The following TTLL8 variants were observed in gnomAD, a reference collection of about 807,000 sequenced individuals.
TTLL8 encodes tubulin tyrosine ligase like 8.
Under a neutral mutation model 77.8 loss-of-function variants are expected in TTLL8, and 65 were observed. The ratio of observed to expected loss-of-function variants is 0.84; its 90% CI spans 0.68 to 1.03. The LOEUF is 1.03. Ranked by LOEUF, TTLL8 falls within the 50% of genes least tolerant of loss-of-function variation. The pLI is 0.00. For synonymous variants in TTLL8, 402 were observed against 422.8 expected (o/e 0.95, Z 0.60); for missense variants, 910 against 1,004.5 (o/e 0.91, Z 1.27).
At chr22:50,020,548 TC>T (rs1407086134) in intron 12 of TTLL8, among the ~76,000 whole-genome samples, 1 of 143,734 alleles carries the variant, frequency 7.0e-6, no homozygotes, top group Non-Finnish European at 1.5e-5. Context: ...TACTCCTCCA[TC>T]TGACATGCAC....
intron 12 of TTLL8, among the ~76,000 whole-genome samples, chr22:50,026,167 T>G (rs1047494923): frequency 1.3e-5 from 2 of 152,120 alleles, no homozygotes; most frequent in Non-Finnish European, 2.9e-5. Context: ...CTGGCACATG[T>G]GTGCAATGCA....
At chr22:50,033,395 C>G (rs1213415661) in exon 10 of TTLL8, 2 of 1,365,154 alleles carry the variant, frequency 1.5e-6, no homozygotes, top group African/African-American at 3.0e-5. Flanking sequence ...AGAGGGTGGT[C>G]TGCAGCTGCC....
At position 50,041,164 on chromosome 22, in the gene TTLL8, G is replaced by C. The variant is rs759348918; in HGVS notation, c.921+23C>G. 10 of 416,658 alleles carry C rather than the reference G, an allele frequency of 2.4e-5. No homozygotes were observed. Among genetic ancestry groups the C allele is most frequent in the Non-Finnish European group, 4.7e-6 (1 of 210,978 alleles). The allele number at this position is 416,658 out of a possible 1,614,324, so 25.8% of individuals were successfully genotyped here. On this transcript the variant is annotated intron_variant, in intron 8 of 13. Transcript: ENST00000266182. This position sits in a 1 kb window ranked among gnomAD's most constrained non-coding sequence, Gnocchi z 4.3. The stretch of plus-strand genomic sequence containing the variant: ...CACCAAGAGTGAGGCAGGTGCCCCA[G>C]TGGAGAGACAGACAAACCCCACCTG...
In TTLL8 at chr22:50,034,467, G is replaced by A. The variant is rs752424651; in HGVS notation, c.922-5C>T. On this transcript the variant is annotated splice_region_variant and splice_polypyrimidine_tract_variant and intron_variant, in intron 8 of 13. Transcript: ENST00000266182. This position sits in a 1 kb window ranked among gnomAD's most constrained non-coding sequence, Gnocchi z 4.1. ...TCTATTCAGCAGAGCCTGGCACTGC[G>A]AAAAGTAATTTCTTGAATTGGAGAT... is the stretch of plus-strand genomic sequence containing the variant. 33 of 1,366,298 alleles carry A rather than the reference G, an allele frequency of 2.4e-5. No individual in the cohort carries two copies. The highest frequency in any genetic ancestry group is 1.9e-4 in the African/African-American group (13 of 67,862). 84.6% of individuals were successfully genotyped at this position (1,366,298 alleles called of 1,614,324 possible).
At chr22:50,057,414 AGGTCTGGG>A (rs2146710473), upstream of TTLL8, among the ~76,000 whole-genome samples, 1 of 15,150 alleles carries the variant, frequency 6.6e-5, no homozygotes, top group African/African-American at 3.0e-4. Context: ...GTTGGGCGGG[AGGTCTGGG>A]TTGGGGGTCA....
intron 6 of TTLL8, among the ~76,000 whole-genome samples, chr22:50,043,360 TCGG>T (rs2061385426): frequency 2.2e-5 from 2 of 91,854 alleles, no homozygotes; most frequent in East Asian, 4.3e-4. Flanking sequence ...GAGACACCCT[TCGG>T]TAGATGGATA....
chr22:50,038,747 G>A (rs188756454), intron 8 of TTLL8, among the ~76,000 whole-genome samples: 105 of 152,198 alleles, frequency 6.9e-4, no homozygotes, highest in African/African-American at 2.5e-3. Flanking sequence ...AGGAGTTTGA[G>A]GTTGCAGTGA....
Position 50,034,498 on chromosome 22 carries a change from C to T in TTLL8, c.922-36G>A, listed in dbSNP as rs1413921694. On this transcript the variant is annotated intron_variant, in intron 8 of 13. Coordinates refer to ENST00000266182, the Ensembl canonical transcript of TTLL8. This position sits in a 1 kb window ranked among gnomAD's most constrained non-coding sequence, Gnocchi z 4.1. Reference sequence around the variant, plus strand: ...TAATTTCTTGAATTGGAGATGAAAGCATCGCCACTACAAAGCAAGATCCAG... The same window carrying T: ...TAATTTCTTGAATTGGAGATGAAAGTATCGCCACTACAAAGCAAGATCCAG... The T allele has an allele frequency of 1.5e-6, 2 of 1,355,432 alleles. No homozygotes were observed. Among genetic ancestry groups the T allele is most frequent in the Non-Finnish European group, 2.0e-6 (2 of 1,017,202 alleles). The allele number at this position is 1,355,432 out of a possible 1,614,324, so 84.0% of individuals were successfully genotyped here.
intron 8 of TTLL8, among the ~76,000 whole-genome samples, chr22:50,036,096 C>T (rs759113352): frequency 1.3e-5 from 2 of 152,200 alleles, no homozygotes; most frequent in Non-Finnish European, 1.5e-5. Context: ...ATGCTGACGG[C>T]GAGCAGGGGC....
chr22:50,018,950 T>C (rs995987816), intron 12 of TTLL8, among the ~76,000 whole-genome samples, 159 bp from the exon 14 acceptor site: 1 of 152,186 alleles, frequency 6.6e-6, no homozygotes, highest in Non-Finnish European at 1.5e-5. Context: ...GAGGAATGTA[T>C]GTAGTAAATC....
At chr22:50,029,822 A>AC (rs1372987752) in intron 12 of TTLL8, among the ~76,000 whole-genome samples, 2 of 151,504 alleles carry the variant, frequency 1.3e-5, no homozygotes, top group East Asian at 3.9e-4. Context: ...CGTCCTGAAG[A>AC]CCCCCACGCG....
chr22:50,037,612 G>C (rs1411065813), intron 8 of TTLL8, among the ~76,000 whole-genome samples: 1 of 152,100 alleles, frequency 6.6e-6, no homozygotes, highest in Non-Finnish European at 1.5e-5. Context: ...GCTGACCACT[G>C]TTTAAGCATC....
At chr22:50,024,078 C>A (rs191198574) in intron 12 of TTLL8, among the ~76,000 whole-genome samples, 1 of 152,276 alleles carries the variant, frequency 6.6e-6, no homozygotes, top group Non-Finnish European at 1.5e-5. Flanking sequence ...CATAGAGTAG[C>A]CAACGCAATT....
chr22:50,030,728 C>A, exon 12 of TTLL8: 1 of 1,317,690 alleles, frequency 7.6e-7, no homozygotes, highest in Non-Finnish European at 1.0e-6. Context: ...CCAAGTCCCG[C>A]TGGAGAGCTG....
exon 11 of TTLL8, chr22:50,031,882 C>G (rs1399482748): frequency 7.3e-7 from 1 of 1,367,318 alleles, no homozygotes; most frequent in Non-Finnish European, 9.8e-7. Flanking sequence ...GAGCTCAAAG[C>G]TGTTCTTGCG....
chr22:50,049,140 G>T, intron 3 of TTLL8, 109 bp downstream of exon 5: 1 of 1,324,142 alleles, frequency 7.6e-7, no homozygotes, highest in Non-Finnish European at 1.0e-6. Context: ...CTTTGCCCTC[G>T]CCGGGCTGCC....
Position 50,044,200 on chromosome 22 carries a change from C to T in TTLL8, c.643+1055G>A, listed in dbSNP as rs746218074. Among the ~76,000 whole-genome samples, 3 of 152,044 alleles carry T rather than the reference C, an allele frequency of 2.0e-5. No homozygotes were observed. The highest frequency in any genetic ancestry group is 4.4e-5 in the Non-Finnish European group (3 of 68,008). Reference sequence around the variant, plus strand: ...CATTAGCCGGGCGTGGTGGTGGGCACCCAACTACTCGGGAGGCTGAGACAG... The same window carrying T: ...CATTAGCCGGGCGTGGTGGTGGGCATCCAACTACTCGGGAGGCTGAGACAG... On this transcript the variant is annotated intron_variant, in intron 6 of 13. Coordinates refer to ENST00000266182, the Ensembl canonical transcript of TTLL8. This position sits in a 1 kb window ranked among gnomAD's most constrained non-coding sequence, Gnocchi z 4.2.
At chr22:50,033,275 G>C (rs749360170) in exon 10 of TTLL8, 1 of 1,362,058 alleles carries the variant, frequency 7.3e-7, no homozygotes, top group African/African-American at 1.5e-5. Flanking sequence ...CAGATGGTCA[G>C]GGGGTTCCAG....
chr22:50,028,700 C>T (rs1235291494), intron 12 of TTLL8, among the ~76,000 whole-genome samples: 5 of 56,646 alleles, frequency 8.8e-5, no homozygotes, highest in Non-Finnish European at 1.3e-4. Context: ...CCCATCACAC[C>T]ATCCTGAAGA....
Sources: allele counts gnomAD v4.1 joint callset (sites outside exome capture counted in the v4.1 genomes callset), GRCh38; gene constraint gnomAD v4.1.1; non-coding constraint Gnocchi (gnomAD v3.1); transcripts MANE v1.5; gene names NCBI Gene and HGNC (gene_info 2026-07-23, HGNC 2026-07-21).